Variants in TAB1 observed in about 807,000 individuals in gnomAD.
The protein encoded by TAB1 is TGF-beta-activated kinase 1 and MAP3K7-binding protein 1.
In TAB1, 30 loss-of-function variants were observed where a neutral mutation model predicts 54.5. That is an observed-to-expected ratio of 0.55 (90% CI 0.41 to 0.75). The LOEUF (loss-of-function observed/expected upper bound fraction) is 0.75, where lower values mean the gene tolerates loss of function less well. TAB1 is among the 30% of genes least tolerant of loss of function. The pLI, the probability that TAB1 is intolerant of heterozygous loss-of-function variation, is 0.00. For synonymous variants in TAB1, 289 were observed against 286.9 expected, an observed-to-expected ratio of 1.01 and a Z score of -0.07; for missense variants, 609 against 683.2, an observed-to-expected ratio of 0.89 and a Z score of 1.21.
intron 1 of TAB1, among the ~76,000 whole-genome samples, chr22:39,402,249 C>T (rs942741741): frequency 1.3e-5 from 2 of 152,150 alleles, no homozygotes; most frequent in Non-Finnish European, 2.9e-5. Flanking sequence ...ATCCTGGGTT[C>T]AAGCAATCCT....
Position 39,430,829 on chromosome 22 carries a change from A to G in TAB1, c.*607A>G. 1.0e-6 allele frequency: 1 copy of G among 991,532 alleles called. No individual in the cohort carries two copies. Among genetic ancestry groups the G allele is most frequent in the Non-Finnish European group, 1.2e-6 (1 of 832,984 alleles). The allele number at this position is 991,532 out of a possible 1,614,324, so 61.4% of individuals were successfully genotyped here. ...ATCTGGGGCCTGGGATGGCCACAGAAGGGGCAGGCCAGGTGGAAAGGAGCC... is the reference window on the plus strand; with the variant it reads ...ATCTGGGGCCTGGGATGGCCACAGAGGGGGCAGGCCAGGTGGAAAGGAGCC... On this transcript the variant is annotated 3_prime_UTR_variant, in exon 11 of 11. Transcript: ENST00000216160.
At chr22:39,429,843 CTT>C (rs1429714227) in intron 10 of TAB1, 170 bp from the exon 11 acceptor site, 4 of 985,312 alleles carry the variant, frequency 4.1e-6, no homozygotes, top group Non-Finnish European at 4.8e-6. Flanking sequence ...TAAAATTTGA[CTT>C]TTTATCTGTT....
intron 1 of TAB1, among the ~76,000 whole-genome samples, chr22:39,402,965 C>G (rs1017001960): frequency 6.6e-6 from 1 of 152,228 alleles, no homozygotes; most frequent in Non-Finnish European, 1.5e-5. Context: ...TGTCCCTGAG[C>G]CTTAGTTTCT....
At position 39,410,774 on chromosome 22, in the gene TAB1, TC is replaced by T. The variant is rs562703939; in HGVS notation, c.34-4228del. Among the ~76,000 whole-genome samples, 688 of 152,320 alleles carry T rather than the reference TC, an allele frequency of 4.5e-3. 6 individuals carry two copies. The highest frequency in any genetic ancestry group is 0.015 in the African/African-American group (638 of 41,584). ...CTCAACATAGTGACAATGTCTACTT[TC>T]CCCAAATTGATCTGTAGATTTAAAG... On this transcript the variant is annotated intron_variant, in intron 1 of 10. Coordinates refer to ENST00000216160, the MANE Select transcript of TAB1 (RefSeq NM_006116.3).
At chr22:39,423,480 C>T (rs1436303230) in intron 8 of TAB1, among the ~76,000 whole-genome samples, 1 of 152,180 alleles carries the variant, frequency 6.6e-6, no homozygotes, top group Non-Finnish European at 1.5e-5. Flanking sequence ...TGGCAGGCAC[C>T]TGTAATCCCA....
chr22:39,423,559 C>T (rs571189251), intron 8 of TAB1, among the ~76,000 whole-genome samples: 5 of 152,106 alleles, frequency 3.3e-5, no homozygotes, highest in Non-Finnish European at 7.4e-5. Context: ...GAGCCAAGAT[C>T]GCACCACTGC....
At chr22:39,426,161 C>T (rs1376435305) in intron 8 of TAB1, among the ~76,000 whole-genome samples, 1 of 152,194 alleles carries the variant, frequency 6.6e-6, no homozygotes, top group South Asian at 2.1e-4. Flanking sequence ...GCCCGGTCAA[C>T]TTATGATATT....
intron 8 of TAB1, among the ~76,000 whole-genome samples, chr22:39,422,978 C>CTTT (rs556909738): frequency 2.9e-5 from 4 of 136,526 alleles, no homozygotes; most frequent in African/African-American, 1.1e-4. Context: ...TCTGCTTTGA[C>CTTT]TTTTTTTTTT....
rs534428212 is a variant in TAB1, at chr22:39,409,732, C to T, written c.34-5274C>T. ...TTTCTGACCACTTCATCTAGAGGCC[C>T]CCACCGCCCATCACGCTGTGTCCCA... On this transcript the variant is annotated intron_variant, in intron 1 of 10. Coordinates refer to ENST00000216160, the MANE Select transcript of TAB1 (RefSeq NM_006116.3). 5.9e-5 allele frequency among the ~76,000 whole-genome samples: 9 copies of T among 152,220 alleles called. No individual in the cohort carries two copies. The South Asian group carries it at 1.2e-3, about 21-fold the overall frequency.
downstream of TAB1, chr22:39,433,559 G>A: frequency 1.0e-6 from 1 of 985,450 alleles, no homozygotes. Context: ...GGGGGCAGGT[G>A]GTCTGAGGGC....
chr22:39,404,995 C>G (rs1926302231), intron 1 of TAB1, among the ~76,000 whole-genome samples: 1 of 152,214 alleles, frequency 6.6e-6, no homozygotes. Flanking sequence ...TCCGAGCCCT[C>G]TTCCTGGGGT....
chr22:39,423,342 T>C (rs978904499), intron 8 of TAB1, among the ~76,000 whole-genome samples: 47 of 152,196 alleles, frequency 3.1e-4, no homozygotes, highest in Non-Finnish European at 6.5e-4. Context: ...CAGTGGCTCA[T>C]GCTTGTAATC....
chr22:39,428,602 G>A (rs956217559), intron 10 of TAB1, among the ~76,000 whole-genome samples: 38 of 152,188 alleles, frequency 2.5e-4, no homozygotes, highest in Non-Finnish European at 3.8e-4. Context: ...TGGGGCAGGG[G>A]GCGAGGTAGA....
rs775734407 is a variant in TAB1 at position 39,421,838 on chromosome 22, C to G, written c.788C>G (p.Ser263Cys). The G allele has an allele frequency of 6.2e-7, 1 of 1,614,154 alleles. No homozygotes were observed. ...TDIDLLSAAKSKPIIAEPEIH... is the reference protein window; with the variant it reads ...TDIDLLSAAKCKPIIAEPEIH... ...CTCTCTCCCCATAGCGCTGCCAAGT[C>G]CAAACCAATCATCGCAGAGCCAGAA... The change falls in exon 8 of 11, where the codon TCC becomes TGC. Residue 263 changes from serine to cysteine, a missense_variant. Coordinates refer to ENST00000216160, the MANE Select transcript of TAB1 (RefSeq NM_006116.3).
At chr22:39,403,466 G>A (rs913281267) in intron 1 of TAB1, among the ~76,000 whole-genome samples, 2 of 152,198 alleles carry the variant, frequency 1.3e-5, no homozygotes, top group South Asian at 2.1e-4. Context: ...TGGGTGGAGT[G>A]CCTTGGGGGA....
At chr22:39,407,115 C>T (rs1455221382) in intron 1 of TAB1, among the ~76,000 whole-genome samples, 2 of 152,216 alleles carry the variant, frequency 1.3e-5, no homozygotes, top group Admixed American at 6.5e-5. Context: ...AGATTTAAAA[C>T]AACCTTCTAT....
chr22:39,414,459 G>A (rs1926735635), intron 1 of TAB1, among the ~76,000 whole-genome samples: 1 of 152,204 alleles, frequency 6.6e-6, no homozygotes, highest in Non-Finnish European at 1.5e-5. Flanking sequence ...CAGAGAGAGT[G>A]ACTGAGGCTA....
At chr22:39,436,264 G>A (rs544547578), downstream of TAB1, among the ~76,000 whole-genome samples, 11 of 151,820 alleles carry the variant, frequency 7.2e-5, no homozygotes, top group Non-Finnish European at 1.5e-4. Flanking sequence ...CTATACTCCA[G>A]CCTGGGCAAC....
In TAB1 at chr22:39,407,629, G is replaced by A. The variant is rs1434448279; in HGVS notation, c.34-7377G>A. ...TTCCCGATAGTAGATGGGACTACAGGCGTCTGCCACCACGCCCGGCTAATT... is the reference window on the plus strand; with the variant it reads ...TTCCCGATAGTAGATGGGACTACAGACGTCTGCCACCACGCCCGGCTAATT... On this transcript the variant is annotated intron_variant, in intron 1 of 10. Transcript: ENST00000216160. Among the ~76,000 whole-genome samples the A allele has an allele frequency of 2.0e-5, 3 of 152,096 alleles. 1 individual carries two copies. Among genetic ancestry groups the A allele is most frequent in the African/African-American group, 4.8e-5 (2 of 41,394 alleles).
Sources: allele counts gnomAD v4.1 joint callset (sites outside exome capture counted in the v4.1 genomes callset), GRCh38; gene constraint gnomAD v4.1.1; transcripts MANE v1.5; gene names NCBI Gene and HGNC (gene_info 2026-07-23, HGNC 2026-07-21).